Variants in GRM7 observed in about 807,000 individuals in gnomAD.
GRM7 encodes the protein glutamate metabotropic receptor 7.
GRM7 carries 35 observed loss-of-function variants against 84.5 expected under a neutral mutation model. The observed-to-expected ratio is 0.41, with a 90% CI of 0.32 to 0.55. The LOEUF (loss-of-function observed/expected upper bound fraction) is 0.55, where lower values mean the gene tolerates loss of function less well. Ranked by LOEUF, GRM7 falls within the 20% of genes least tolerant of loss-of-function variation. The pLI is 0.19. For synonymous variants in GRM7, 487 were observed against 455.1 expected, an observed-to-expected ratio of 1.07 and a Z score of -0.89; for missense variants, 1,003 against 1,194.6, an observed-to-expected ratio of 0.84 and a Z score of 2.36.
intron 4 of GRM7, among the ~76,000 whole-genome samples, chr3:7,388,266 C>T (rs535307619): frequency 1.7e-4 from 26 of 152,080 alleles, no homozygotes; most frequent in Non-Finnish European, 3.4e-4. Flanking sequence ...CCTTTTCCTA[C>T]TTGGATGCCT....
intron 1 of GRM7, among the ~76,000 whole-genome samples, chr3:7,103,846 C>CTT (rs1559443731): frequency 1.8e-5 from 2 of 111,490 alleles, no homozygotes; most frequent in African/African-American, 9.1e-5. Context: ...CTCTCCCTCT[C>CTT]TCTCTCTCTC....
chr3:7,208,947 C>T (rs1239639268), intron 2 of GRM7, among the ~76,000 whole-genome samples: 3 of 152,104 alleles, frequency 2.0e-5, no homozygotes, highest in African/African-American at 7.2e-5. Context: ...TGCAGATGCT[C>T]CTTGACTTAC....
intron 1 of GRM7, among the ~76,000 whole-genome samples, chr3:6,973,311 T>C (rs1477823910): frequency 6.6e-6 from 1 of 152,134 alleles, no homozygotes; most frequent in African/African-American, 2.4e-5. Flanking sequence ...ATTGAACATC[T>C]ACTATGTACC....
At chr3:7,296,174 A>G (rs1243219679) in intron 2 of GRM7, among the ~76,000 whole-genome samples, 1 of 152,010 alleles carries the variant, frequency 6.6e-6, no homozygotes, top group African/African-American at 2.4e-5. Context: ...TTAGTCTGAC[A>G]ATATGTAAAT....
intron 1 of GRM7, among the ~76,000 whole-genome samples, chr3:6,973,252 G>T (rs183556972): frequency 7.5e-4 from 113 of 151,506 alleles, no homozygotes; most frequent in Non-Finnish European, 7.4e-5. Flanking sequence ...TGCCCTAATG[G>T]CACTCAATCA....
At chr3:6,924,515 A>C (rs1370435221) in intron 1 of GRM7, among the ~76,000 whole-genome samples, 1 of 152,160 alleles carries the variant, frequency 6.6e-6, no homozygotes, top group African/African-American at 2.4e-5. Flanking sequence ...GGTATATTTT[A>C]AGACTCACAG....
At chr3:7,139,497 G>T (rs935442552) in intron 1 of GRM7, among the ~76,000 whole-genome samples, 1 of 151,926 alleles carries the variant, frequency 6.6e-6, no homozygotes, top group Non-Finnish European at 1.5e-5. Context: ...TTTTGATTTT[G>T]TAGAGGAGAC....
Position 7,621,852 on chromosome 3 carries a change from A to G in GRM7, c.2451+42495A>G, listed in dbSNP as rs533477705. On this transcript the variant is annotated intron_variant, in intron 8 of 9. Coordinates refer to ENST00000357716, the MANE Select transcript of GRM7 (RefSeq NM_000844.4). ...CTGTGGCAGCCAGCTATGTTTTGAC[A>G]TCATTGAAAGCCTGGTGAGCTTTAC... Among the ~76,000 whole-genome samples, 27 of 152,288 alleles carry G rather than the reference A, an allele frequency of 1.8e-4. No individual in the cohort carries two copies. In the South Asian group the frequency reaches 4.1e-3, roughly 23 times the overall value.
At chr3:7,177,888 T>A (rs1220730645) in intron 2 of GRM7, among the ~76,000 whole-genome samples, 2 of 152,206 alleles carry the variant, frequency 1.3e-5, no homozygotes, top group African/African-American at 4.8e-5. Flanking sequence ...AATAAATTTT[T>A]AAAATTTCAA....
chr3:7,442,214 C>G (rs1697317860), intron 5 of GRM7, among the ~76,000 whole-genome samples: 2 of 151,836 alleles, frequency 1.3e-5, no homozygotes, highest in African/African-American at 4.8e-5. Flanking sequence ...TAGCTATATT[C>G]CTGAGTTTTT....
At chr3:7,252,312 G>A (rs765894799) in intron 2 of GRM7, among the ~76,000 whole-genome samples, 20 of 152,176 alleles carry the variant, frequency 1.3e-4, no homozygotes, top group Non-Finnish European at 2.4e-4. Flanking sequence ...CTGTCTGCCT[G>A]TTCCGCTCAT....
chr3:7,507,246 C>A (rs4686131), intron 7 of GRM7, among the ~76,000 whole-genome samples: 15,251 of 152,188 alleles, frequency 0.1, 865 homozygotes, highest in Non-Finnish European at 0.11. Flanking sequence ...AAAATCCAGT[C>A]TAGACAACTT....
At chr3:6,992,356 T>C (rs1307490763) in intron 1 of GRM7, among the ~76,000 whole-genome samples, 1 of 152,320 alleles carries the variant, frequency 6.6e-6, no homozygotes, top group Non-Finnish European at 1.5e-5. Flanking sequence ...GAAGAGATAA[T>C]ATGCACATAC....
rs1206415183 is a variant in GRM7 at position 7,726,647 on chromosome 3, A to C, written c.2699-13710A>C. On this transcript the variant is annotated intron_variant, in intron 9 of 9. Transcript: ENST00000357716. The stretch of plus-strand genomic sequence containing the variant: ...TATATATATATATATATATATATAT[A>C]TATATATATATATATATAGGTTTTC... Among the ~76,000 whole-genome samples, 1,092 of 110,040 alleles carry C rather than the reference A, an allele frequency of 9.9e-3. 77 individuals carry two copies. The highest frequency in any genetic ancestry group is 0.034 in the African/African-American group (1,032 of 30,402). 72.2% of individuals were successfully genotyped at this position (110,040 alleles called of 152,430 possible).
At chr3:7,048,633 T>C (rs1559405775) in intron 1 of GRM7, among the ~76,000 whole-genome samples, 2 of 151,982 alleles carry the variant, frequency 1.3e-5, no homozygotes, top group Non-Finnish European at 2.9e-5. Context: ...TTGTACAACA[T>C]AAAGGTTTTG....
chr3:6,952,381 C>T (rs998093592), intron 1 of GRM7, among the ~76,000 whole-genome samples: 2 of 152,202 alleles, frequency 1.3e-5, no homozygotes, highest in African/African-American at 4.8e-5. Context: ...ATGCACCAAA[C>T]AGCACTCTGC....
chr3:7,108,891 A>G (rs533428740), intron 1 of GRM7, among the ~76,000 whole-genome samples: 2 of 152,116 alleles, frequency 1.3e-5, no homozygotes, highest in Non-Finnish European at 2.9e-5. Context: ...ATAAGATTCA[A>G]CATACCAGCA....
At chr3:7,690,562 C>T (rs940219220) in intron 9 of GRM7, among the ~76,000 whole-genome samples, 1 of 152,152 alleles carries the variant, frequency 6.6e-6, no homozygotes, top group Admixed American at 6.5e-5. Flanking sequence ...TGTACAGCTC[C>T]TGAAATGGGT....
At chr3:7,338,715 A>C (rs1701521858) in intron 4 of GRM7, among the ~76,000 whole-genome samples, 2 of 152,142 alleles carry the variant, frequency 1.3e-5, no homozygotes, top group Non-Finnish European at 1.5e-5. Context: ...TGAAACTGGA[A>C]AATTCTCTTC....
Sources: allele counts gnomAD v4.1 joint callset (sites outside exome capture counted in the v4.1 genomes callset), GRCh38; gene constraint gnomAD v4.1.1; transcripts MANE v1.5; gene names NCBI Gene and HGNC (gene_info 2026-07-23, HGNC 2026-07-21).